Variants in NUBP1 observed in about 807,000 individuals in gnomAD.
The protein encoded by NUBP1 is cytosolic Fe-S cluster assembly factor NUBP1.
In NUBP1, 46 loss-of-function variants were observed where a neutral mutation model predicts 41.8. The ratio of observed to expected loss-of-function variants is 1.10; its 90% confidence interval spans 0.87 to 1.41. NUBP1 has a LOEUF of 1.41. NUBP1 is among the 40% of genes most tolerant of loss of function. The pLI, the probability that NUBP1 is intolerant of heterozygous loss-of-function variation, is 0.00. For synonymous variants in NUBP1, 189 were observed against 154.6 expected (o/e 1.22, Z -1.65); for missense variants, 494 against 414.0 (o/e 1.19, Z -1.68).
intron 9 of NUBP1, among the ~76,000 whole-genome samples, chr16:10,762,483 C>T (rs11641553): frequency 0.27 from 41,177 of 151,946 alleles, 6,620 homozygotes; most frequent in Middle Eastern, 0.44. Context: ...CCACTCGCCG[C>T]GGGGCGCTGG....
In NUBP1 at chr16:10,768,496, A is replaced by G. The variant is rs1971562; in HGVS notation, c.904+464A>G. The G allele has an allele frequency of 0.31, 48,457 of 157,572 alleles. 8,044 individuals are homozygous for G. The highest frequency in any genetic ancestry group is 0.46 in the Admixed American group (7,322 of 15,910). The allele number at this position is 157,572 out of a possible 1,614,324, so 9.8% of individuals were successfully genotyped here. A position where few individuals can be genotyped will look rare whatever the true frequency, so the allele number is the denominator to read the frequency against. ...GTGGCGCATGCCTGTAGTCCCAGCTACTCAGGAGGCTGAGGCAGGAGAATC... is the reference window on the plus strand; with the variant it reads ...GTGGCGCATGCCTGTAGTCCCAGCTGCTCAGGAGGCTGAGGCAGGAGAATC... On this transcript the variant is annotated intron_variant, in intron 10 of 10. Transcript: ENST00000283027. This position sits in a 1 kb window ranked among gnomAD's most constrained non-coding sequence, Gnocchi z 4.3.
chr16:10,761,803 T>C lies in NUBP1; in HGVS notation c.764T>C (p.Met255Thr), dbSNP rs1369925368. ...CCCACAACCGGGGGCGCGGAGCTCA[T>C]GTGCCAGGACTTGGAGGTCCCTCTC... ...FPPTTGGAEL[M>T]CQDLEVPLLG... The change falls in exon 9 of 11, where the codon ATG becomes ACG. Residue 255 changes from methionine to threonine, a missense_variant. Coordinates refer to ENST00000283027, the MANE Select transcript of NUBP1 (RefSeq NM_002484.4). 1.4e-5 allele frequency: 23 copies of C among 1,613,974 alleles called. No homozygotes were observed. Among genetic ancestry groups the C allele is most frequent in the Non-Finnish European group, 1.8e-5 (21 of 1,179,990 alleles).
intron 4 of NUBP1, 132 bp from the exon 5 acceptor site, chr16:10,755,589 C>T (rs1457812748): frequency 1.6e-5 from 14 of 889,826 alleles, no homozygotes; most frequent in East Asian, 7.8e-5. Flanking sequence ...TTAGGAATTT[C>T]GTGGTACCAT....
rs1317186734 is a variant in NUBP1 at position 10,767,522 on chromosome 16, TCTTTCTGGAAAG to T, written c.821-426_821-415del. The T allele has an allele frequency of 2.3e-6, 1 of 439,118 alleles. No individual in the cohort carries two copies. Among genetic ancestry groups the T allele is most frequent in the African/African-American group, 2.0e-5 (1 of 49,582 alleles). 27.2% of individuals were successfully genotyped at this position (439,118 alleles called of 1,614,324 possible). ...AGTGTGCACATTTATATGCGCATAA[TCTTTCTGGAAAG>T]ACACCTAGAACACTAGTAGCCCTTT... On this transcript the variant is annotated intron_variant, in intron 9 of 10. Transcript: ENST00000283027. The surrounding 1 kb of genome is among the most constrained non-coding windows in gnomAD (Gnocchi z 4.6).
At position 10,762,045 on chromosome 16, in the gene NUBP1, C is replaced by T. The variant is rs528385222; in HGVS notation, c.820+186C>T. ...ACCGGGAGAGAGGCCGAGACCCCTG[C>T]GGGCAGGTAGCGGGAGCAAGCAGGC... On this transcript the variant is annotated intron_variant, in intron 9 of 10. Coordinates refer to ENST00000283027, the MANE Select transcript of NUBP1 (RefSeq NM_002484.4). The T allele has an allele frequency of 4.7e-4, 251 of 536,622 alleles. 1 individual carries two copies. The highest frequency in any genetic ancestry group is 3.5e-3 in the Middle Eastern group (7 of 1,984). The allele number at this position is 536,622 out of a possible 1,614,324, so 33.2% of individuals were successfully genotyped here. A position where few individuals can be genotyped will look rare whatever the true frequency, so the allele number is the denominator to read the frequency against.
In NUBP1 at chr16:10,757,653, C is replaced by T. The variant is rs180776538; in HGVS notation, c.452-220C>T. 6.2e-4 allele frequency among the ~76,000 whole-genome samples: 95 copies of T among 152,262 alleles called. 2 individuals carry two copies. Among genetic ancestry groups the T allele is most frequent in the Non-Finnish European group, 8.2e-4 (56 of 68,008 alleles). The stretch of plus-strand genomic sequence containing the variant: ...TGACTTACAGCATAGACCAAAGGCA[C>T]AAAAAGATCAGATCATGCTTCTCCG... On this transcript the variant is annotated intron_variant, in intron 6 of 10. Coordinates refer to ENST00000283027, the MANE Select transcript of NUBP1 (RefSeq NM_002484.4). The surrounding 1 kb of genome is among the most constrained non-coding windows in gnomAD (Gnocchi z 4.1).
In NUBP1 at chr16:10,756,751, C is replaced by T. The variant is rs373685116; in HGVS notation, c.422C>T (p.Ala141Val). 11 of 1,590,740 alleles carry T rather than the reference C, an allele frequency of 6.9e-6. No individual in the cohort carries two copies. The South Asian group carries it at 1.3e-4, about 18-fold the overall frequency. The change falls in exon 6 of 11, where the codon GCT becomes GTT. Residue 141 changes from alanine to valine, a missense_variant. Ala to Val is a moderately conservative substitution (Grantham distance 64, BLOSUM62 0). Transcript: ENST00000283027. Reference protein sequence around the residue: ...VGFLLSSPDDAVIWRGPKKNG... With the variant: ...VGFLLSSPDDVVIWRGPKKNG... Reference sequence around the variant, plus strand: ...TTCCTGCTCAGCAGTCCTGATGATGCTGTTATCTGGAGGGGACCCAAGAAA... The same window carrying T: ...TTCCTGCTCAGCAGTCCTGATGATGTTGTTATCTGGAGGGGACCCAAGAAA...
rs956650955 is a variant in NUBP1 at position 10,749,205 on chromosome 16, G to C, written c.258+1929G>C. 1.8e-4 allele frequency among the ~76,000 whole-genome samples: 27 copies of C among 149,430 alleles called. No homozygotes were observed. The highest frequency in any genetic ancestry group is 3.5e-4 in the Non-Finnish European group (24 of 67,790). On this transcript the variant is annotated intron_variant, in intron 3 of 10. Transcript: ENST00000283027. This position sits in a 1 kb window ranked among gnomAD's most constrained non-coding sequence, Gnocchi z 4.1. ...TCATTCTGTGAGTCAGCGATCTCTT[G>C]CCATTTGAGGGTCAAATCTGTACTG... is the stretch of plus-strand genomic sequence containing the variant.
Position 10,749,120 on chromosome 16 carries a change from G to GACACACACACAC in NUBP1, c.258+1849_258+1850insCACACACACACA, listed in dbSNP as rs777149995. ...AAAAAAGGATATAGATAGATACACA[G>GACACACACACAC]ACACATACACACACACACACACACA... On this transcript the variant is annotated intron_variant, in intron 3 of 10. Transcript: ENST00000283027. The surrounding 1 kb of genome is among the most constrained non-coding windows in gnomAD (Gnocchi z 4.1). Among the ~76,000 whole-genome samples the GACACACACACAC allele has an allele frequency of 3.1e-3, 282 of 92,360 alleles. 9 individuals are homozygous for GACACACACACAC. The highest frequency in any genetic ancestry group is 9.9e-3 in the African/African-American group (256 of 25,794). 60.6% of individuals were successfully genotyped at this position (92,360 alleles called of 152,430 possible). A position where few individuals can be genotyped will look rare whatever the true frequency, so the allele number is the denominator to read the frequency against.
At chr16:10,762,611 T>G (rs566602922) in intron 9 of NUBP1, among the ~76,000 whole-genome samples, 2 of 152,272 alleles carry the variant, frequency 1.3e-5, no homozygotes, top group Non-Finnish European at 2.9e-5. Context: ...CGTCCAGCAC[T>G]CGCCTTTAGG....
At position 10,768,244 on chromosome 16, in the gene NUBP1, A is replaced by G. The variant is rs1356101564; in HGVS notation, c.904+212A>G. 1 of 418,930 alleles carries G rather than the reference A, an allele frequency of 2.4e-6. No individual in the cohort carries two copies. Among genetic ancestry groups the G allele is most frequent in the East Asian group, 3.8e-5 (1 of 26,216 alleles). 26.0% of individuals were successfully genotyped at this position (418,930 alleles called of 1,614,324 possible). A position where few individuals can be genotyped will look rare whatever the true frequency, so the allele number is the denominator to read the frequency against. The stretch of plus-strand genomic sequence containing the variant: ...GTTTAAAAAACATGGTGAGGGTGAA[A>G]TTTATGGCTTAGGAAATACATCCCA... On this transcript the variant is annotated intron_variant, in intron 10 of 10. Coordinates refer to ENST00000283027, the MANE Select transcript of NUBP1 (RefSeq NM_002484.4). This position sits in a 1 kb window ranked among gnomAD's most constrained non-coding sequence, Gnocchi z 4.3.
rs1596457822 is a variant in NUBP1 at position 10,757,449 on chromosome 16, T to A, written c.452-424T>A. Among the ~76,000 whole-genome samples, 1 of 152,190 alleles carries A rather than the reference T, an allele frequency of 6.6e-6. No homozygotes were observed. The highest frequency in any genetic ancestry group is 2.4e-5 in the African/African-American group (1 of 41,438). ...AGGGCAAGCTTTAGCCTCAGCACTATTGATATTTTGAGCCAGATAAGTCTT... is the reference window on the plus strand; with the variant it reads ...AGGGCAAGCTTTAGCCTCAGCACTAATGATATTTTGAGCCAGATAAGTCTT... On this transcript the variant is annotated intron_variant, in intron 6 of 10. Coordinates refer to ENST00000283027, the MANE Select transcript of NUBP1 (RefSeq NM_002484.4). This position sits in a 1 kb window ranked among gnomAD's most constrained non-coding sequence, Gnocchi z 4.1.
At chr16:10,761,123 GC>G (rs1900938778) in intron 7 of NUBP1, 1 of 396,252 alleles carries the variant, frequency 2.5e-6, no homozygotes, top group East Asian at 5.2e-5. Context: ...GGGGGAAACT[GC>G]CCCCATGATC....
chr16:10,761,554 C>A, intron 8 of NUBP1, 80 bp downstream of exon 8: 1 of 1,226,148 alleles, frequency 8.2e-7, no homozygotes, highest in Non-Finnish European at 1.2e-6. Context: ...GCTCTGCAAA[C>A]TATTTCTGCT....
chr16:10,762,433 G>A (rs1297784875), intron 9 of NUBP1, among the ~76,000 whole-genome samples: 1 of 152,230 alleles, frequency 6.6e-6, no homozygotes, highest in South Asian at 2.1e-4. Flanking sequence ...CTGAAGGAGG[G>A]ACGGGGTTTC....
At chr16:10,758,320 A>T (rs530808472) in intron 7 of NUBP1, among the ~76,000 whole-genome samples, 6 of 152,224 alleles carry the variant, frequency 3.9e-5, no homozygotes, top group African/African-American at 1.4e-4. Flanking sequence ...AAAATATTTT[A>T]AAATTAGCCA....
Position 10,761,786 on chromosome 16 carries a change from CG to C in NUBP1, c.752del (p.Gly251AlafsTer23). 1 of 1,613,990 alleles carries C rather than the reference CG, an allele frequency of 6.2e-7. No homozygotes were observed. The highest frequency in any genetic ancestry group is 8.5e-7 in the Non-Finnish European group (1 of 1,179,944). On this transcript the variant is annotated frameshift_variant, in exon 9 of 11. Transcript: ENST00000283027. LOFTEE classifies it high-confidence loss of function. ...KESQIFPPTT[G>X]GAELMCQDLE... Reference sequence around the variant, plus strand: ...AATCTCAGATATTCCCTCCCACAACCGGGGGCGCGGAGCTCATGTGCCAGGA... The same window carrying C: ...AATCTCAGATATTCCCTCCCACAACCGGGGCGCGGAGCTCATGTGCCAGGA...
In NUBP1 at chr16:10,767,730, C is replaced by T. The variant is rs1443981980; in HGVS notation, c.821-219C>T. 4 of 577,248 alleles carry T rather than the reference C, an allele frequency of 6.9e-6. No homozygotes were observed. In the East Asian group the frequency reaches 1.2e-4, roughly 17 times the overall value. The allele number at this position is 577,248 out of a possible 1,614,324, so 35.8% of individuals were successfully genotyped here. On this transcript the variant is annotated intron_variant, in intron 9 of 10. Coordinates refer to ENST00000283027, the MANE Select transcript of NUBP1 (RefSeq NM_002484.4). This position sits in a 1 kb window ranked among gnomAD's most constrained non-coding sequence, Gnocchi z 4.6. Reference sequence around the variant, plus strand: ...GGCCCTGGAACCTGCATTTTCTGTACACCACCTGATTATTTAGCCACGCTG... The same window carrying T: ...GGCCCTGGAACCTGCATTTTCTGTATACCACCTGATTATTTAGCCACGCTG...
chr16:10,744,663 T>C (rs1296591135), intron 2 of NUBP1, among the ~76,000 whole-genome samples: 2 of 152,180 alleles, frequency 1.3e-5, no homozygotes, highest in Non-Finnish European at 1.5e-5. Flanking sequence ...CTTTAAGTGC[T>C]GTGAAGCACA....
Sources: gnomAD v4.1 joint callset for allele counts (sites outside exome capture counted in the v4.1 genomes callset) on GRCh38, gnomAD v4.1.1 for gene constraint, Gnocchi (gnomAD v3.1) non-coding constraint, MANE v1.5 for transcripts, NCBI Gene and HGNC (gene_info 2026-07-23, HGNC 2026-07-21) for gene names.